CNTNAP5: variants seen among roughly 807,000 people sequenced by gnomAD.
The protein encoded by CNTNAP5 is contactin associated protein family member 5, also known as contactin-associated protein-like 5.
CNTNAP5 carries 72 observed loss-of-function variants against 150.2 expected under a neutral mutation model. The observed-to-expected ratio is 0.48, with a 90% CI of 0.40 to 0.58. The LOEUF is 0.58. Ranked by LOEUF, CNTNAP5 falls within the 20% of genes least tolerant of loss-of-function variation. CNTNAP5 has a pLI of 0.00. For missense variants in CNTNAP5, 1,636 were observed against 1,626.2 expected (o/e 1.01, Z -0.10); for synonymous variants, 672 against 619.8 (o/e 1.08, Z -1.25).
chr2:124,220,796 C>T (rs563178795), intron 1 of CNTNAP5, among the ~76,000 whole-genome samples: 1 of 152,136 alleles, frequency 6.6e-6, no homozygotes, highest in South Asian at 2.1e-4. Context: ...GCCCTCACAG[C>T]CTAATCATCT....
At chr2:124,135,416 G>A (rs1340629973) in intron 1 of CNTNAP5, among the ~76,000 whole-genome samples, 1 of 152,116 alleles carries the variant, frequency 6.6e-6, no homozygotes, top group Non-Finnish European at 1.5e-5. Context: ...ACCTCTATAA[G>A]GAAGATGTAA....
intron 1 of CNTNAP5, among the ~76,000 whole-genome samples, chr2:124,191,007 C>T (rs921179216): frequency 3.3e-5 from 5 of 152,154 alleles, no homozygotes; most frequent in African/African-American, 7.2e-5. Context: ...TGAATGATAA[C>T]AGTAGAAGCC....
chr2:124,222,026 T>A (rs1277842767), intron 2 of CNTNAP5, among the ~76,000 whole-genome samples: 2 of 152,164 alleles, frequency 1.3e-5, no homozygotes, highest in African/African-American at 4.8e-5. Context: ...AATCACAGTA[T>A]CCTTTTTTGA....
intron 12 of CNTNAP5, among the ~76,000 whole-genome samples, chr2:124,634,217 C>T (rs915482010): frequency 2.0e-5 from 3 of 152,170 alleles, no homozygotes; most frequent in South Asian, 2.1e-4. Context: ...CTCTGCTTTC[C>T]TTTTAAATAT....
At chr2:124,777,821 G>A (rs1681359655) in intron 17 of CNTNAP5, among the ~76,000 whole-genome samples, 1 of 138,780 alleles carries the variant, frequency 7.2e-6, no homozygotes, top group Non-Finnish European at 1.6e-5. Flanking sequence ...GTGTGTGTGT[G>A]TGTCAGGATT....
intron 1 of CNTNAP5, among the ~76,000 whole-genome samples, chr2:124,138,679 C>G (rs78705309): frequency 1.3e-4 from 20 of 152,034 alleles, no homozygotes; most frequent in African/African-American, 4.8e-4. Flanking sequence ...GAGAATTGGT[C>G]CCCGAGTTTG....
intron 7 of CNTNAP5, among the ~76,000 whole-genome samples, chr2:124,503,929 C>G (rs1362747634): frequency 2.0e-5 from 3 of 152,170 alleles, no homozygotes; most frequent in Non-Finnish European, 4.4e-5. Context: ...GTATCTATCC[C>G]TTTTTTAGCA....
chr2:124,538,633 GA>G (rs931744839), intron 10 of CNTNAP5, among the ~76,000 whole-genome samples: 1 of 149,642 alleles, frequency 6.7e-6, no homozygotes, highest in African/African-American at 2.5e-5. Context: ...AAAAATGAAA[GA>G]ATAAGAAAGA....
intron 13 of CNTNAP5, among the ~76,000 whole-genome samples, chr2:124,648,216 C>G (rs1245928434): frequency 6.6e-6 from 1 of 152,146 alleles, no homozygotes; most frequent in Non-Finnish European, 1.5e-5. Flanking sequence ...CACCCTGCAA[C>G]AGTTGTGAGA....
intron 1 of CNTNAP5, among the ~76,000 whole-genome samples, chr2:124,070,665 C>T (rs1176959317): frequency 6.6e-6 from 1 of 151,800 alleles, no homozygotes; most frequent in Non-Finnish European, 1.5e-5. Context: ...AATATATATT[C>T]ACCCACCCAA....
intron 11 of CNTNAP5, among the ~76,000 whole-genome samples, chr2:124,575,954 C>T (rs1229960337): frequency 1.3e-5 from 2 of 152,140 alleles, no homozygotes; most frequent in Non-Finnish European, 2.9e-5. Context: ...GGTAGGAAAA[C>T]TTCCCATTTT....
chr2:124,168,741 G>T (rs545956171), intron 1 of CNTNAP5, among the ~76,000 whole-genome samples: 46 of 151,858 alleles, frequency 3.0e-4, no homozygotes, highest in African/African-American at 1.1e-3. Flanking sequence ...AAAATATAGA[G>T]TAAAAAAAAT....
At chr2:124,834,064 T>G (rs1183997936) in intron 19 of CNTNAP5, among the ~76,000 whole-genome samples, 1 of 152,208 alleles carries the variant, frequency 6.6e-6, no homozygotes, top group East Asian at 1.9e-4. Flanking sequence ...AGCAATCTAC[T>G]ACATTCCAGG....
intron 13 of CNTNAP5, among the ~76,000 whole-genome samples, chr2:124,715,945 A>G (rs1367353043): frequency 1.3e-5 from 2 of 152,198 alleles, no homozygotes; most frequent in Non-Finnish European, 2.9e-5. Context: ...TGACCCTCCC[A>G]TTGAAATATA....
chr2:124,725,125 C>T (rs553486397), intron 13 of CNTNAP5, among the ~76,000 whole-genome samples: 1 of 152,096 alleles, frequency 6.6e-6, no homozygotes, highest in South Asian at 2.1e-4. Context: ...AAATCATTTA[C>T]TTCTCACTGA....
At chr2:124,614,037 A>C (rs1677444266) in intron 12 of CNTNAP5, among the ~76,000 whole-genome samples, 1 of 152,192 alleles carries the variant, frequency 6.6e-6, no homozygotes, top group Admixed American at 6.5e-5. Flanking sequence ...CTTCCAGAGG[A>C]ACACACACTT....
At chr2:124,551,941 T>C (rs1422231374) in intron 10 of CNTNAP5, among the ~76,000 whole-genome samples, 1 of 152,192 alleles carries the variant, frequency 6.6e-6, no homozygotes, top group Non-Finnish European at 1.5e-5. Flanking sequence ...TGAAGATTTT[T>C]TTAAGAGGGG....
intron 1 of CNTNAP5, among the ~76,000 whole-genome samples, chr2:124,108,107 C>T (rs1318573787): frequency 6.6e-6 from 1 of 152,210 alleles, no homozygotes; most frequent in African/African-American, 2.4e-5. Flanking sequence ...CGATGGCTGT[C>T]TGTCCTGCAC....
chr2:124,707,094 A>G lies in CNTNAP5; in HGVS notation c.2078-40135A>G, dbSNP rs1288787000. On this transcript the variant is annotated intron_variant, in intron 13 of 23. Transcript: ENST00000682447. ...AGGAAGAAGAAGAAGAGGAAGAAGA[A>G]GAAGAGGAAGAAGAAGAGGAAGAAG... 7.1e-3 allele frequency among the ~76,000 whole-genome samples: 929 copies of G among 130,886 alleles called. 59 individuals carry two copies. The highest frequency in any genetic ancestry group is 0.026 in the African/African-American group (876 of 34,058). The allele number at this position is 130,886 out of a possible 152,430, so 85.9% of individuals were successfully genotyped here.
Sources: gnomAD v4.1 joint callset for allele counts (sites outside exome capture counted in the v4.1 genomes callset) on GRCh38, gnomAD v4.1.1 for gene constraint, MANE v1.5 for transcripts, NCBI Gene and HGNC (gene_info 2026-07-23, HGNC 2026-07-21) for gene names.